Variants in XRCC4 observed in about 807,000 individuals in gnomAD.
XRCC4 encodes the protein X-ray repair cross complementing 4.
In XRCC4, 28 loss-of-function variants were observed where a neutral mutation model predicts 39.1. The ratio of observed to expected loss-of-function variants is 0.72; its 90% confidence interval spans 0.53 to 0.98. The LOEUF (loss-of-function observed/expected upper bound fraction) is 0.98, where lower values mean the gene tolerates loss of function less well. XRCC4 is among the 50% of genes least tolerant of loss of function. The pLI is 0.00. For synonymous variants in XRCC4, 123 were observed against 126.4 expected (o/e 0.97, Z 0.18); for missense variants, 350 against 376.4 (o/e 0.93, Z 0.58).
At chr5:83,276,398 G>T (rs1754334696) in intron 7 of XRCC4, among the ~76,000 whole-genome samples, 1 of 144,736 alleles carries the variant, frequency 6.9e-6, no homozygotes, top group African/African-American at 2.5e-5. Flanking sequence ...TTTAAGAGGT[G>T]ATTGGGTTAT....
chr5:83,131,182 T>C (rs1431147726), intron 3 of XRCC4, among the ~76,000 whole-genome samples: 1 of 152,214 alleles, frequency 6.6e-6, no homozygotes, highest in African/African-American at 2.4e-5. Context: ...TTTGTTCTCA[T>C]TGGTTTCAAA....
At chr5:83,127,403 C>T (rs6452511) in intron 3 of XRCC4, among the ~76,000 whole-genome samples, 52,539 of 151,624 alleles carry the variant, frequency 0.35, 9,739 homozygotes, top group Non-Finnish European at 0.42. Flanking sequence ...GTAAGTCTCA[C>T]GAGATCTGAT....
At chr5:83,136,277 C>T (rs1580274162) in intron 3 of XRCC4, among the ~76,000 whole-genome samples, 1 of 152,250 alleles carries the variant, frequency 6.6e-6, no homozygotes, top group Middle Eastern at 3.4e-3. Flanking sequence ...ATTCTGACGA[C>T]CCACCTATTA....
intron 3 of XRCC4, among the ~76,000 whole-genome samples, chr5:83,166,889 G>GTT (rs1032882972): frequency 4.9e-4 from 72 of 146,456 alleles, no homozygotes; most frequent in African/African-American, 9.5e-4. Flanking sequence ...TGGGTTTTTT[G>GTT]TTTTTTTTTT....
At chr5:83,325,608 A>G (rs1206630283) in intron 7 of XRCC4, among the ~76,000 whole-genome samples, 2 of 151,758 alleles carry the variant, frequency 1.3e-5, no homozygotes, top group Non-Finnish European at 2.9e-5. Context: ...ATGGCTTCCA[A>G]CTCTGTCCAT....
At chr5:83,185,093 T>C (rs1327099977) in intron 3 of XRCC4, among the ~76,000 whole-genome samples, 1 of 152,036 alleles carries the variant, frequency 6.6e-6, no homozygotes, top group Admixed American at 6.6e-5. Flanking sequence ...AAAAAAAGAA[T>C]AATAAAAGAC....
intron 6 of XRCC4, among the ~76,000 whole-genome samples, chr5:83,216,658 A>G (rs1253643529): frequency 1.3e-5 from 2 of 152,238 alleles, no homozygotes; most frequent in Admixed American, 1.3e-4. Flanking sequence ...ACTGATAGAT[A>G]CTTATTGTGG....
intron 3 of XRCC4, among the ~76,000 whole-genome samples, chr5:83,162,960 T>A (rs1345395423): frequency 6.6e-6 from 1 of 151,152 alleles, no homozygotes; most frequent in African/African-American, 2.4e-5. Flanking sequence ...TTCTTTTTTT[T>A]TTTTGAGACA....
intron 3 of XRCC4, among the ~76,000 whole-genome samples, chr5:83,153,443 A>G (rs1404827003): frequency 6.6e-6 from 1 of 152,200 alleles, no homozygotes; most frequent in Non-Finnish European, 1.5e-5. Flanking sequence ...TCCAGATACT[A>G]GAGAATATAT....
At chr5:83,251,626 A>T (rs1753321053) in intron 6 of XRCC4, among the ~76,000 whole-genome samples, 2 of 152,036 alleles carry the variant, frequency 1.3e-5, no homozygotes, top group African/African-American at 4.8e-5. Flanking sequence ...TGCTGCAGAT[A>T]CTTCTGGGGT....
At chr5:83,192,736 T>C (rs984106673) in intron 3 of XRCC4, among the ~76,000 whole-genome samples, 14 of 152,316 alleles carry the variant, frequency 9.2e-5, no homozygotes, top group African/African-American at 3.4e-4. Context: ...TACTCTTAAT[T>C]ATTAATAAAA....
At chr5:83,353,042 C>T in intron 7 of XRCC4, 89 bp from the exon 8 acceptor site, 1 of 1,018,382 alleles carries the variant, frequency 9.8e-7, no homozygotes, top group East Asian at 2.6e-5. Flanking sequence ...ATTTAACTGT[C>T]ATTTCACTTA....
At chr5:83,216,881 A>G (rs1751879179) in intron 6 of XRCC4, among the ~76,000 whole-genome samples, 1 of 152,174 alleles carries the variant, frequency 6.6e-6, no homozygotes, top group African/African-American at 2.4e-5. Context: ...CCTAAAACTG[A>G]TTGAGGTGAT....
At chr5:83,351,630 T>C (rs897000259) in intron 7 of XRCC4, among the ~76,000 whole-genome samples, 92 of 152,338 alleles carry the variant, frequency 6.0e-4, no homozygotes, top group African/African-American at 2.2e-3. Flanking sequence ...TGCCTGTATT[T>C]ATTGTTAATT....
In XRCC4 at chr5:83,190,066, AAAAAT is replaced by A. The variant is rs576012108; in HGVS notation, c.316-5689_316-5685del. Among the ~76,000 whole-genome samples the A allele has an allele frequency of 7.2e-5, 11 of 152,304 alleles. 1 individual carries two copies. In the South Asian group the frequency reaches 1.4e-3, roughly 20 times the overall value. On this transcript the variant is annotated intron_variant, in intron 3 of 7. Transcript: ENST00000396027. ...GTGACAGAGCGAGAATCTGTCTCAA[AAAAAT>A]AAAATAAAATAAAAAGTAAACATTT...
intron 7 of XRCC4, among the ~76,000 whole-genome samples, chr5:83,281,000 A>T (rs758893946): frequency 6.6e-6 from 1 of 152,192 alleles, no homozygotes; most frequent in Non-Finnish European, 1.5e-5. Flanking sequence ...AAATCCTGGT[A>T]TTTCAAGCTA....
At chr5:83,258,208 T>C (rs568815491) in intron 6 of XRCC4, among the ~76,000 whole-genome samples, 12 of 152,194 alleles carry the variant, frequency 7.9e-5, no homozygotes, top group African/African-American at 2.6e-4. Context: ...TATGCAGTTT[T>C]GTTTTTGTTG....
chr5:83,160,230 A>G (rs992424634), intron 3 of XRCC4, among the ~76,000 whole-genome samples: 1 of 152,202 alleles, frequency 6.6e-6, no homozygotes, highest in Non-Finnish European at 1.5e-5. Flanking sequence ...AACCATTTGA[A>G]TTATATCAAT....
chr5:83,284,422 T>C (rs1417654974), intron 7 of XRCC4, among the ~76,000 whole-genome samples: 2 of 152,252 alleles, frequency 1.3e-5, no homozygotes, highest in African/African-American at 2.4e-5. Flanking sequence ...CTTAAAAGAA[T>C]TGTAATTAAA....
Sources: gnomAD v4.1 joint callset for allele counts (sites outside exome capture counted in the v4.1 genomes callset) on GRCh38, gnomAD v4.1.1 for gene constraint, MANE v1.5 for transcripts, NCBI Gene and HGNC (gene_info 2026-07-23, HGNC 2026-07-21) for gene names.